The following RHOJ variants were observed in gnomAD, a reference collection of about 807,000 sequenced individuals.
RHOJ encodes ras homolog family member J, also known as rho-related GTP-binding protein RhoJ.
A neutral mutation model predicts 23.4 loss-of-function variants in RHOJ; 11 were observed. That is an observed-to-expected ratio of 0.47 (90% CI 0.30 to 0.78). The LOEUF (loss-of-function observed/expected upper bound fraction) is 0.78. RHOJ is among the 30% of genes least tolerant of loss of function. The probability of loss-of-function intolerance (pLI) is 0.08; values close to 1 mark genes in which losing one functional copy is unlikely to be tolerated. For synonymous variants in RHOJ, 102 were observed against 102.7 expected (o/e 0.99, Z 0.04); for missense variants, 254 against 273.4 (o/e 0.93, Z 0.50).
intron 1 of RHOJ, among the ~76,000 whole-genome samples, chr14:63,216,658 C>T (rs1894362801): frequency 6.6e-6 from 1 of 152,162 alleles, no homozygotes; most frequent in African/African-American, 2.4e-5. Context: ...TTTCAAATGA[C>T]ATTTGCAATA....
In RHOJ at chr14:63,204,682, ACCTTTCTTTACCAGC is replaced by A. The variant is rs1359222969; in HGVS notation, c.-187_-173del. On this transcript the variant is annotated 5_prime_UTR_variant, in exon 1 of 5. Transcript: ENST00000316754. ...TTCATAACTCCCTCAAGTGTGTGTT[ACCTTTCTTTACCAGC>A]ATGGTAAGCAACAGGACATATCCCA... 2.4e-5 allele frequency: 15 copies of A among 615,142 alleles called. No homozygotes were observed. Among genetic ancestry groups the A allele is most frequent in the Middle Eastern group, 4.4e-4 (1 of 2,286 alleles). 38.1% of individuals were successfully genotyped at this position (615,142 alleles called of 1,614,324 possible).
In RHOJ at chr14:63,267,581, C is replaced by T. The variant is rs372755593; in HGVS notation, c.179-1529C>T. On this transcript the variant is annotated intron_variant, in intron 1 of 4. Transcript: ENST00000316754. ...TTAGTGAACTGGTCATTGAAGAAAC[C>T]ATTTAGGCAGATTTCAGAAACATCT... Among the ~76,000 whole-genome samples, 100 of 152,296 alleles carry T rather than the reference C, an allele frequency of 6.6e-4. 3 individuals carry two copies. In the South Asian group the frequency reaches 0.02, roughly 30 times the overall value.
chr14:63,219,814 CAAAAA>C (rs35915504), intron 1 of RHOJ, among the ~76,000 whole-genome samples: 1 of 129,704 alleles, frequency 7.7e-6, no homozygotes. Flanking sequence ...GATTGCATCT[CAAAAA>C]AAAAAAAAAA....
chr14:63,262,676 G>A (rs1176264105), intron 1 of RHOJ, among the ~76,000 whole-genome samples: 1 of 152,196 alleles, frequency 6.6e-6, no homozygotes, highest in Non-Finnish European at 1.5e-5. Flanking sequence ...TTCCAATCTT[G>A]CCAGGAGCTT....
At chr14:63,272,205 C>T (rs553945794) in intron 2 of RHOJ, among the ~76,000 whole-genome samples, 39 of 152,322 alleles carry the variant, frequency 2.6e-4, no homozygotes, top group Admixed American at 4.6e-4. Flanking sequence ...CGTAGTTCTA[C>T]AATTCAGCTA....
intron 1 of RHOJ, among the ~76,000 whole-genome samples, chr14:63,253,376 C>T (rs1024018140): frequency 3.3e-5 from 5 of 152,040 alleles, no homozygotes; most frequent in African/African-American, 1.2e-4. Context: ...TAAAGAATCA[C>T]CTGCCTCAGC....
At position 63,281,109 on chromosome 14, in the gene RHOJ, G is replaced by A. The variant is rs765688403; in HGVS notation, c.376G>A (p.Val126Met). ...VPELKDCMPH[V>M]PYVLIGTQID... ...CGAGCTCAAGGACTGCATGCCTCAC[G>A]TGCCTTATGTCCTCATAGGGACCCA... is the stretch of plus-strand genomic sequence containing the variant. Residue 126 changes from valine (V) to methionine (M), a missense_variant, in exon 3 of 5, where the codon GTG becomes ATG. Val to Met is a conservative substitution (Grantham distance 21). Transcript: ENST00000316754. 20 of 1,613,518 alleles carry A rather than the reference G, an allele frequency of 1.2e-5. No individual in the cohort carries two copies. The highest frequency in any genetic ancestry group is 4.5e-5 in the East Asian group (2 of 44,856).
In RHOJ at chr14:63,232,681, CT is replaced by C. The variant is rs552170384; in HGVS notation, c.178+27641del. On this transcript the variant is annotated intron_variant, in intron 1 of 4. Coordinates refer to ENST00000316754, the MANE Select transcript of RHOJ (RefSeq NM_020663.5). The stretch of plus-strand genomic sequence containing the variant: ...ACCATACAATTCATCCATTTAAAGT[CT>C]TTTTTTCTTGCCTTTTTTTTTTTTT... Among the ~76,000 whole-genome samples the C allele has an allele frequency of 1.4e-4, 20 of 140,250 alleles. No homozygotes were observed. The East Asian group carries it at 3.1e-3, about 22-fold the overall frequency. The allele number at this position is 140,250 out of a possible 152,430, so 92.0% of individuals were successfully genotyped here.
chr14:63,237,842 A>T (rs1002757285), intron 1 of RHOJ, among the ~76,000 whole-genome samples: 2 of 152,238 alleles, frequency 1.3e-5, no homozygotes, highest in African/African-American at 4.8e-5. Flanking sequence ...TTGTTATCAC[A>T]GCACAGTGAG....
At chr14:63,216,447 T>C (rs1298267500) in intron 1 of RHOJ, among the ~76,000 whole-genome samples, 1 of 152,216 alleles carries the variant, frequency 6.6e-6, no homozygotes, top group Non-Finnish European at 1.5e-5. Context: ...AGTACACCAA[T>C]TTTCAACTGG....
chr14:63,233,389 G>A (rs908262091), intron 1 of RHOJ, among the ~76,000 whole-genome samples: 3 of 152,100 alleles, frequency 2.0e-5, no homozygotes, highest in African/African-American at 2.4e-5. Flanking sequence ...TGATTCTACC[G>A]AAAACTATTG....
intron 1 of RHOJ, among the ~76,000 whole-genome samples, chr14:63,238,688 C>G (rs1894832363): frequency 6.6e-6 from 1 of 152,136 alleles, no homozygotes; most frequent in Non-Finnish European, 1.5e-5. Flanking sequence ...TCCCAAAGTG[C>G]TGGGATTATA....
At chr14:63,261,732 C>T (rs1895276854) in intron 1 of RHOJ, among the ~76,000 whole-genome samples, 1 of 152,106 alleles carries the variant, frequency 6.6e-6, no homozygotes, top group Non-Finnish European at 1.5e-5. Context: ...TGAGCCACTG[C>T]ACTTAGCCTA....
At chr14:63,237,159 A>C (rs981469136) in intron 1 of RHOJ, among the ~76,000 whole-genome samples, 1 of 152,192 alleles carries the variant, frequency 6.6e-6, no homozygotes, top group Non-Finnish European at 1.5e-5. Flanking sequence ...GAACTTGAAT[A>C]GACAAAAGAA....
chr14:63,238,642 G>A (rs950924305), intron 1 of RHOJ, among the ~76,000 whole-genome samples: 10 of 151,970 alleles, frequency 6.6e-5, no homozygotes, highest in African/African-American at 1.7e-4. Context: ...GGCTGGTCTC[G>A]AACTCCTGAG....
At chr14:63,260,513 C>T (rs1895253115) in intron 1 of RHOJ, among the ~76,000 whole-genome samples, 1 of 152,144 alleles carries the variant, frequency 6.6e-6, no homozygotes, top group Non-Finnish European at 1.5e-5. Context: ...AACAACAGCA[C>T]AATAACCATG....
intron 1 of RHOJ, among the ~76,000 whole-genome samples, chr14:63,232,571 G>A (rs1395114624): frequency 6.6e-6 from 1 of 151,998 alleles, no homozygotes; most frequent in African/African-American, 2.4e-5. Context: ...AGCCATAGTT[G>A]GTTTAAATTA....
intron 1 of RHOJ, among the ~76,000 whole-genome samples, chr14:63,268,797 T>C (rs771909919): frequency 6.6e-6 from 1 of 152,218 alleles, no homozygotes; most frequent in African/African-American, 2.4e-5. Context: ...CAGCATTCTT[T>C]TTCATCAGAA....
Position 63,292,671 on chromosome 14 carries a change from A to G in RHOJ, c.*1647A>G, listed in dbSNP as rs1402104047. 1 of 152,190 alleles carries G rather than the reference A, an allele frequency of 6.6e-6. No individual in the cohort carries two copies. Among genetic ancestry groups the G allele is most frequent in the Non-Finnish European group, 1.5e-5 (1 of 68,056 alleles). The allele number at this position is 152,190 out of a possible 1,614,324, so 9.4% of individuals were successfully genotyped here. On this transcript the variant is annotated 3_prime_UTR_variant, in exon 5 of 5. Coordinates refer to ENST00000316754, the MANE Select transcript of RHOJ (RefSeq NM_020663.5). ...AGCACTTAAGAATTGCGTGATAGCC[A>G]GGCACCGTGGCTCATGCCTGTAATC...
Sources: gnomAD v4.1 joint callset for allele counts (sites outside exome capture counted in the v4.1 genomes callset) on GRCh38, gnomAD v4.1.1 for gene constraint, MANE v1.5 for transcripts, NCBI Gene and HGNC (gene_info 2026-07-23, HGNC 2026-07-21) for gene names.